Variants in NDST4 observed in about 807,000 individuals in gnomAD.
The protein encoded by NDST4 is N-deacetylase and N-sulfotransferase 4, also known as N-heparan sulfate sulfotransferase 4.
Under a neutral mutation model 100.8 loss-of-function variants are expected in NDST4, and 63 were observed. That is an observed-to-expected ratio of 0.62 (90% CI 0.51 to 0.77). The LOEUF (loss-of-function observed/expected upper bound fraction) is 0.77. NDST4 is among the 30% of genes least tolerant of loss of function. The probability of loss-of-function intolerance (pLI) is 0.00; values close to 1 mark genes in which losing one functional copy is unlikely to be tolerated. For missense variants in NDST4, 943 were observed against 1,018.4 expected (o/e 0.93, Z 1.01); for synonymous variants, 377 against 361.8 (o/e 1.04, Z -0.48).
At chr4:114,998,332 A>T (rs534324344) in intron 2 of NDST4, among the ~76,000 whole-genome samples, 6 of 152,216 alleles carry the variant, frequency 3.9e-5, no homozygotes, top group Admixed American at 1.3e-4. Flanking sequence ...GCTATGATAG[A>T]GGTTTTCTAA....
chr4:114,936,148 A>T (rs1725624352), intron 5 of NDST4, among the ~76,000 whole-genome samples: 1 of 152,156 alleles, frequency 6.6e-6, no homozygotes, highest in African/African-American at 2.4e-5. Flanking sequence ...AGATCCAATG[A>T]TGTTTTAGAT....
At position 114,846,016 on chromosome 4, in the gene NDST4, A is replaced by C. The variant is rs201481308; in HGVS notation, c.1941-19T>G. The C allele has an allele frequency of 2.6e-4, 394 of 1,536,908 alleles. 2 individuals are homozygous for C. The Admixed American group carries it at 7.3e-3, about 28-fold the overall frequency. On this transcript the variant is annotated intron_variant, in intron 9 of 13. Transcript: ENST00000264363. ...CATATACCTGAAGGCAGAGAAAGAC[A>C]ATTAATTAATCTGAAAATAATTTTT...
At chr4:114,960,330 G>C (rs1366523851) in intron 4 of NDST4, among the ~76,000 whole-genome samples, 2 of 152,080 alleles carry the variant, frequency 1.3e-5, no homozygotes, top group African/African-American at 4.8e-5. Flanking sequence ...AATAAAGGCT[G>C]GGTGTGGTGG....
At chr4:114,897,871 G>T (rs1401797683) in intron 6 of NDST4, among the ~76,000 whole-genome samples, 1 of 152,120 alleles carries the variant, frequency 6.6e-6, no homozygotes, top group East Asian at 1.9e-4. Flanking sequence ...CTTTGTTGAG[G>T]TGTCTGGTAA....
intron 1 of NDST4, among the ~76,000 whole-genome samples, chr4:115,097,732 C>G (rs1253541814): frequency 6.6e-6 from 1 of 152,146 alleles, no homozygotes; most frequent in Non-Finnish European, 1.5e-5. Flanking sequence ...CAACTCCCCA[C>G]CACCAAAATC....
intron 2 of NDST4, among the ~76,000 whole-genome samples, chr4:115,072,873 C>T (rs1051385730): frequency 1.3e-5 from 2 of 151,836 alleles, no homozygotes; most frequent in African/African-American, 4.8e-5. Flanking sequence ...GCAATGGAAG[C>T]AACAGAGTGA....
intron 2 of NDST4, among the ~76,000 whole-genome samples, chr4:114,991,359 G>A (rs1421611826): frequency 6.6e-6 from 1 of 152,076 alleles, no homozygotes; most frequent in Non-Finnish European, 1.5e-5. Context: ...CTCCTCTTTT[G>A]CATGACGAAT....
chr4:115,100,578 G>A (rs1290179149), intron 1 of NDST4, among the ~76,000 whole-genome samples: 1 of 151,910 alleles, frequency 6.6e-6, no homozygotes, highest in Non-Finnish European at 1.5e-5. Context: ...ATGCACAGTA[G>A]GATACATTTA....
chr4:114,927,978 T>C (rs1447467841), intron 6 of NDST4, among the ~76,000 whole-genome samples: 1 of 152,138 alleles, frequency 6.6e-6, no homozygotes, highest in Non-Finnish European at 1.5e-5. Context: ...TGTTGAACAC[T>C]TCGCACTAAA....
intron 2 of NDST4, among the ~76,000 whole-genome samples, chr4:115,050,565 C>T (rs1432536079): frequency 6.6e-6 from 1 of 152,072 alleles, no homozygotes; most frequent in Non-Finnish European, 1.5e-5. Flanking sequence ...AAGTGTGATT[C>T]TAGATTTCAA....
chr4:115,096,007 C>A (rs1281878884), intron 1 of NDST4, among the ~76,000 whole-genome samples: 1 of 151,976 alleles, frequency 6.6e-6, no homozygotes, highest in African/African-American at 2.4e-5. Context: ...TACACTCTCT[C>A]TCTCATGGCC....
At chr4:114,869,665 A>G (rs1724106269) in intron 7 of NDST4, among the ~76,000 whole-genome samples, 1 of 152,172 alleles carries the variant, frequency 6.6e-6, no homozygotes, top group African/African-American at 2.4e-5. Context: ...AAACGGTAAA[A>G]AGCTGCTTAA....
chr4:114,875,682 C>A (rs1256490019), intron 6 of NDST4, among the ~76,000 whole-genome samples: 3 of 151,988 alleles, frequency 2.0e-5, no homozygotes, highest in Non-Finnish European at 4.4e-5. Context: ...TTTTTTGTAA[C>A]ATTTTGTGTT....
chr4:114,956,555 G>C (rs1342920572), intron 4 of NDST4, among the ~76,000 whole-genome samples: 1 of 152,172 alleles, frequency 6.6e-6, no homozygotes, highest in Non-Finnish European at 1.5e-5. Context: ...CATAATCTGA[G>C]TGCCTTTTGT....
At chr4:115,048,733 G>T (rs1044987769) in intron 2 of NDST4, among the ~76,000 whole-genome samples, 1 of 152,074 alleles carries the variant, frequency 6.6e-6, no homozygotes, top group African/African-American at 2.4e-5. Context: ...CGCCTCCGTG[G>T]TTCAAGCGAT....
chr4:114,848,312 G>A lies in NDST4; in HGVS notation c.1843C>T (p.Leu615Phe). The A allele has an allele frequency of 6.2e-7, 1 of 1,600,352 alleles. No individual in the cohort carries two copies. Among genetic ancestry groups the A allele is most frequent in the Non-Finnish European group, 8.5e-7 (1 of 1,173,654 alleles). ...TGTTALYLFL[L>F]MHPSIISNLP... ...TTGCTGATGATTGAAGGATGCATAAGAAGAAATAAATAAAGTGCAGTTGTT... is the reference window on the plus strand; with the variant it reads ...TTGCTGATGATTGAAGGATGCATAAAAAGAAATAAATAAAGTGCAGTTGTT... The change falls in exon 9 of 14, where the codon CTT (leucine) becomes TTT (phenylalanine). Residue 615 changes from leucine to phenylalanine, a missense_variant. By Grantham distance (22) the Leu-to-Phe change is conservative. Coordinates refer to ENST00000264363, the MANE Select transcript of NDST4 (RefSeq NM_022569.3).
intron 2 of NDST4, among the ~76,000 whole-genome samples, chr4:115,017,053 G>A (rs887428373): frequency 4.0e-5 from 6 of 151,414 alleles, no homozygotes; most frequent in Non-Finnish European, 7.4e-5. Flanking sequence ...TTTCTATAAC[G>A]AAATCTAGGA....
At chr4:114,970,673 G>T (rs933499080) in intron 3 of NDST4, 89 bp from the exon 4 acceptor site, 19 of 1,115,804 alleles carry the variant, frequency 1.7e-5, no homozygotes, top group Non-Finnish European at 2.4e-5. Flanking sequence ...AATTTTTCAT[G>T]CTGCTGATAC....
chr4:114,888,772 T>C (rs1325940962), intron 6 of NDST4, among the ~76,000 whole-genome samples: 1 of 152,148 alleles, frequency 6.6e-6, no homozygotes, highest in Non-Finnish European at 1.5e-5. Flanking sequence ...GTTCAATGAG[T>C]AGCCCATGAC....
Sources: allele counts gnomAD v4.1 joint callset (sites outside exome capture counted in the v4.1 genomes callset), GRCh38; gene constraint gnomAD v4.1.1; transcripts MANE v1.5; gene names NCBI Gene and HGNC (gene_info 2026-07-23, HGNC 2026-07-21).